CNIH3: variants seen among roughly 807,000 people sequenced by gnomAD.
The protein encoded by CNIH3 is protein cornichon homolog 3.
CNIH3 carries 14 observed loss-of-function variants against 24.1 expected under a neutral mutation model. That is an observed-to-expected ratio of 0.58 (90% CI 0.38 to 0.91). The LOEUF (loss-of-function observed/expected upper bound fraction) is 0.91, where lower values mean the gene tolerates loss of function less well. CNIH3 is among the 40% of genes least tolerant of loss of function. CNIH3 has a pLI of 0.00. For missense variants in CNIH3, 178 were observed against 196.8 expected, an observed-to-expected ratio of 0.90 and a Z score of 0.57; for synonymous variants, 68 against 73.8, an observed-to-expected ratio of 0.92 and a Z score of 0.40.
chr1:224,552,720 A>ATT (rs1210442115), intron 3 of CNIH3, among the ~76,000 whole-genome samples: 1 of 151,498 alleles, frequency 6.6e-6, no homozygotes, highest in Non-Finnish European at 1.5e-5. Context: ...TCGCTTAGAT[A>ATT]TTATATATAT....
intron 1 of CNIH3, among the ~76,000 whole-genome samples, chr1:224,632,488 G>A (rs1683871540): frequency 6.6e-6 from 1 of 152,112 alleles, no homozygotes; most frequent in South Asian, 2.1e-4. Context: ...GCCTTTGGGT[G>A]TAGCTTGAAA....
intron 1 of CNIH3, among the ~76,000 whole-genome samples, chr1:224,444,783 T>A (rs1444563080): frequency 1.3e-5 from 2 of 152,040 alleles, no homozygotes; most frequent in African/African-American, 2.4e-5. Flanking sequence ...TGGATGGGAT[T>A]ACAGGCGTGC....
chr1:224,730,731 A>T (rs1296094023), intron 4 of CNIH3, 157 bp downstream of exon 4: 1 of 568,318 alleles, frequency 1.8e-6, no homozygotes, highest in Admixed American at 3.0e-5. Flanking sequence ...AACTGCTCTT[A>T]GGCAACAAGT....
intron 1 of CNIH3, among the ~76,000 whole-genome samples, chr1:224,617,714 A>T (rs998389786): frequency 1.3e-5 from 2 of 152,188 alleles, no homozygotes; most frequent in Non-Finnish European, 2.9e-5. Context: ...ACACGACGGG[A>T]GCGCCTTGTA....
chr1:224,583,307 T>C (rs1681355872), intron 5 of CNIH3: 1 of 152,044 alleles, frequency 6.6e-6, no homozygotes, highest in African/African-American at 2.4e-5. Flanking sequence ...TAGGGAGCAA[T>C]TGGTGAATGT....
chr1:224,662,175 G>C (rs1408233085), intron 1 of CNIH3, among the ~76,000 whole-genome samples: 1 of 152,128 alleles, frequency 6.6e-6, no homozygotes, highest in Non-Finnish European at 1.5e-5. Flanking sequence ...CAGACATCTA[G>C]TGAGCAAAAT....
At chr1:224,552,760 G>A (rs910814936) in intron 3 of CNIH3, among the ~76,000 whole-genome samples, 1 of 151,336 alleles carries the variant, frequency 6.6e-6, no homozygotes, top group African/African-American at 2.4e-5. Context: ...ATATCACCGG[G>A]TGTACACTCC....
intron 3 of CNIH3, among the ~76,000 whole-genome samples, chr1:224,558,412 G>A (rs1289818323): frequency 3.9e-5 from 6 of 152,234 alleles, no homozygotes; most frequent in Non-Finnish European, 8.8e-5. Flanking sequence ...AGATTCAAGA[G>A]GTGGGGAACG....
chr1:224,477,575 G>A (rs1028325128), intron 1 of CNIH3, among the ~76,000 whole-genome samples: 1 of 152,078 alleles, frequency 6.6e-6, no homozygotes, highest in African/African-American at 2.4e-5. Flanking sequence ...TTGTCTTCCT[G>A]CATTTTAACT....
At chr1:224,481,105 A>G (rs1002471416) in intron 1 of CNIH3, among the ~76,000 whole-genome samples, 2 of 152,258 alleles carry the variant, frequency 1.3e-5, no homozygotes, top group Admixed American at 6.5e-5. Flanking sequence ...CACATCTTAC[A>G]TGGATGGCAG....
chr1:224,489,323 C>G (rs1677152364), intron 1 of CNIH3, among the ~76,000 whole-genome samples: 1 of 152,176 alleles, frequency 6.6e-6, no homozygotes, highest in East Asian at 1.9e-4. Context: ...TTGGGGCTCC[C>G]CCTTTCTGGC....
intron 1 of CNIH3, among the ~76,000 whole-genome samples, chr1:224,495,290 G>A (rs1485198349): frequency 6.6e-6 from 1 of 152,212 alleles, no homozygotes; most frequent in Non-Finnish European, 1.5e-5. Context: ...ATGGCAGAAG[G>A]AGAGGGTCCC....
intron 1 of CNIH3, among the ~76,000 whole-genome samples, chr1:224,450,807 G>C (rs970785822): frequency 1.3e-5 from 2 of 152,230 alleles, no homozygotes; most frequent in African/African-American, 4.8e-5. Context: ...GAGCCATGCG[G>C]TCTGTGTCAA....
intron 1 of CNIH3, among the ~76,000 whole-genome samples, chr1:224,442,247 A>G (rs1572246509): frequency 6.6e-6 from 1 of 152,148 alleles, no homozygotes; most frequent in East Asian, 1.9e-4. Flanking sequence ...CTGGGCTCAA[A>G]TAATTCTCCC....
At chr1:224,503,515 C>T (rs947431121) in intron 1 of CNIH3, among the ~76,000 whole-genome samples, 17 of 152,334 alleles carry the variant, frequency 1.1e-4, no homozygotes, top group Middle Eastern at 3.4e-3. Flanking sequence ...GCAACCCCAC[C>T]GGGCCTCCCA....
At chr1:224,605,808 C>T (rs913496569) in intron 3 of CNIH3, among the ~76,000 whole-genome samples, 1 of 152,154 alleles carries the variant, frequency 6.6e-6, no homozygotes, top group African/African-American at 2.4e-5. Flanking sequence ...ACCGTAGCCC[C>T]CTGCCCACCA....
chr1:224,661,529 C>T, intron 1 of CNIH3: 1 of 335,790 alleles, frequency 3.0e-6, no homozygotes, highest in Admixed American at 3.4e-5. Context: ...CCAAAGAAGT[C>T]CTCAAATAGA....
chr1:224,501,673 C>G (rs1677677662), intron 1 of CNIH3, among the ~76,000 whole-genome samples: 1 of 151,816 alleles, frequency 6.6e-6, no homozygotes, highest in Non-Finnish European at 1.5e-5. Context: ...CTCCGTCTCC[C>G]AGGTTCAAGC....
chr1:224,501,524 TA>T (rs57557987), intron 1 of CNIH3, among the ~76,000 whole-genome samples: 44,749 of 130,368 alleles, frequency 0.34, 7,290 homozygotes, highest in East Asian at 0.49. Flanking sequence ...TATATATATA[TA>T]TTTTTTTTTT....
Sources: gnomAD v4.1 joint callset for allele counts (sites outside exome capture counted in the v4.1 genomes callset) on GRCh38, gnomAD v4.1.1 for gene constraint, MANE v1.5 for transcripts, NCBI Gene and HGNC (gene_info 2026-07-23, HGNC 2026-07-21) for gene names.